The following ZC3H3 variants were observed in gnomAD, a reference collection of about 807,000 sequenced individuals.
The protein encoded by ZC3H3 is zinc finger CCCH-type containing 3.
Under a neutral mutation model 77.3 loss-of-function variants are expected in ZC3H3, and 36 were observed. The ratio of observed to expected loss-of-function variants is 0.47; its 90% CI spans 0.36 to 0.61. The LOEUF (loss-of-function observed/expected upper bound fraction) is 0.61. Among genes scored for constraint, ZC3H3 ranks in the 20% least tolerant of loss-of-function variants. The probability of loss-of-function intolerance (pLI) is 0.00; values close to 1 mark genes in which losing one functional copy is unlikely to be tolerated. For synonymous variants in ZC3H3, 626 were observed against 555.2 expected (o/e 1.13, Z -1.79); for missense variants, 1,331 against 1,312.2 (o/e 1.01, Z -0.22).
chr8:143,505,276 C>G (rs1307487282), intron 4 of ZC3H3, among the ~76,000 whole-genome samples: 1 of 152,240 alleles, frequency 6.6e-6, no homozygotes, highest in Non-Finnish European at 1.5e-5. Flanking sequence ...TCCATGGTGG[C>G]CTGGGCCTGC....
At chr8:143,467,354 G>C (rs141299726) in intron 8 of ZC3H3, among the ~76,000 whole-genome samples, 1 of 152,204 alleles carries the variant, frequency 6.6e-6, no homozygotes, top group Admixed American at 6.5e-5. Flanking sequence ...CAGGGCACTG[G>C]TGCGGGGCGT....
In ZC3H3 at chr8:143,451,794, A is replaced by G. The variant is rs1324250596; in HGVS notation, c.2308-10674T>C. 1.3e-4 allele frequency among the ~76,000 whole-genome samples: 20 copies of G among 151,774 alleles called. No individual in the cohort carries two copies. In the South Asian group the frequency reaches 2.5e-3, roughly 19 times the overall value. On this transcript the variant is annotated intron_variant, in intron 9 of 11. Transcript: ENST00000262577. ...GTGAGACTCTGCCTAAAAAAAAAAA[A>G]AAAAGAAAAGAAAAGAAAAGAAAAA...
chr8:143,496,378 G>A (rs553592286), intron 4 of ZC3H3, among the ~76,000 whole-genome samples: 8 of 152,320 alleles, frequency 5.3e-5, no homozygotes, highest in South Asian at 4.1e-4. Context: ...CTGACTCCAC[G>A]GTGAGCCTGG....
At chr8:143,483,080 G>T (rs939711681) in intron 4 of ZC3H3, among the ~76,000 whole-genome samples, 1 of 152,230 alleles carries the variant, frequency 6.6e-6, no homozygotes, top group African/African-American at 2.4e-5. Flanking sequence ...TCAGGAAATG[G>T]AGCACAATTT....
intron 8 of ZC3H3, 22 bp downstream of exon 8, chr8:143,468,187 G>A (rs377005785): frequency 2.5e-6 from 4 of 1,603,962 alleles, no homozygotes; most frequent in Non-Finnish European, 3.4e-6. Flanking sequence ...CACGGGAGCA[G>A]GGCCACCAGC....
chr8:143,510,363 C>T (rs1368734927), intron 3 of ZC3H3, among the ~76,000 whole-genome samples: 1 of 152,232 alleles, frequency 6.6e-6, no homozygotes, highest in South Asian at 2.1e-4. Flanking sequence ...GGGTCGTGTC[C>T]CCCACGGCCT....
chr8:143,472,364 G>A (rs913965947), intron 5 of ZC3H3, among the ~76,000 whole-genome samples: 16 of 152,374 alleles, frequency 1.1e-4, no homozygotes, highest in African/African-American at 3.1e-4. Flanking sequence ...CAGGGGCTCT[G>A]CGCCCGCCAG....
chr8:143,460,748 T>C lies in ZC3H3; in HGVS notation c.2307+4969A>G, dbSNP rs1820240047. 6.6e-6 allele frequency among the ~76,000 whole-genome samples: 1 copy of C among 152,144 alleles called. No individual in the cohort carries two copies. The highest frequency in any genetic ancestry group is 2.4e-5 in the African/African-American group (1 of 41,412). On this transcript the variant is annotated intron_variant, in intron 9 of 11. Coordinates refer to ENST00000262577, the MANE Select transcript of ZC3H3 (RefSeq NM_015117.3). This position sits in a 1 kb window ranked among gnomAD's most constrained non-coding sequence, Gnocchi z 4.0. ...GAGGTGCTGCTACACGTGTGAACCC[T>C]GGAAACATTATGCCGGGTGAAAGAT... is the stretch of plus-strand genomic sequence containing the variant.
chr8:143,495,882 G>A (rs954495764), intron 4 of ZC3H3, among the ~76,000 whole-genome samples: 2 of 151,796 alleles, frequency 1.3e-5, no homozygotes, highest in African/African-American at 4.8e-5. Context: ...GATTACAGGT[G>A]CAAGCCACTG....
At chr8:143,526,482 C>T (rs780867930) in intron 3 of ZC3H3, among the ~76,000 whole-genome samples, 1 of 152,200 alleles carries the variant, frequency 6.6e-6, no homozygotes, top group Non-Finnish European at 1.5e-5. Flanking sequence ...GCCCAGCACG[C>T]GATTGGACTT....
At chr8:143,442,062 C>A (rs967202610) in intron 9 of ZC3H3, among the ~76,000 whole-genome samples, 1 of 152,152 alleles carries the variant, frequency 6.6e-6, no homozygotes. Flanking sequence ...ATCCTCCCAG[C>A]CACACAGTCC....
At chr8:143,537,866 A>G in intron 2 of ZC3H3, 137 bp downstream of exon 2, 1 of 993,730 alleles carries the variant, frequency 1.0e-6, no homozygotes, top group Non-Finnish European at 1.5e-6. Context: ...CCACAGCAGC[A>G]CTTCCTGCCT....
intron 5 of ZC3H3, among the ~76,000 whole-genome samples, chr8:143,474,135 C>T (rs188294055): frequency 1.3e-5 from 2 of 152,212 alleles, no homozygotes; most frequent in East Asian, 3.9e-4. Flanking sequence ...AGAGATGAGA[C>T]CACACGCACA....
At chr8:143,467,816 A>C (rs1820453312) in intron 8 of ZC3H3, among the ~76,000 whole-genome samples, 1 of 105,952 alleles carries the variant, frequency 9.4e-6, no homozygotes. Flanking sequence ...GCCCCCTCAC[A>C]TACAGCTTCC....
chr8:143,463,275 G>A (rs1460605312), intron 9 of ZC3H3, among the ~76,000 whole-genome samples: 3 of 151,574 alleles, frequency 2.0e-5, no homozygotes, highest in Non-Finnish European at 2.9e-5. Context: ...GTGAGCCACC[G>A]CGCCCGGCCC....
chr8:143,540,437 C>T (rs1822973086), intron 1 of ZC3H3, among the ~76,000 whole-genome samples: 1 of 152,146 alleles, frequency 6.6e-6, no homozygotes, highest in Non-Finnish European at 1.5e-5. Flanking sequence ...GTCATGTTGC[C>T]CAGGATGGTC....
chr8:143,516,564 C>T (rs773832422), intron 3 of ZC3H3, among the ~76,000 whole-genome samples: 2 of 96,054 alleles, frequency 2.1e-5, no homozygotes, highest in Non-Finnish European at 4.2e-5. Flanking sequence ...CACACACACA[C>T]ACATACACAC....
rs896963 is a variant in ZC3H3 at position 143,538,524 on chromosome 8, G to C, written c.843C>G (p.Gly281=). Reference sequence around the variant, plus strand: ...TGGGTCCTGAGGCCGGTCTGGCGGGGCCCCCCACTGAGCCAGACGGAACTG... The same window carrying C: ...TGGGTCCTGAGGCCGGTCTGGCGGGCCCCCCCACTGAGCCAGACGGAACTG... ...DQPVPSGSVG[G]PARPASGPRQ... is the part of the protein sequence containing the mutation. The change falls in exon 2 of 12, where the codon GGC becomes GGG. Residue 281 remains glycine (G), a synonymous_variant. Coordinates refer to ENST00000262577, the MANE Select transcript of ZC3H3 (RefSeq NM_015117.3). The C allele has an allele frequency of 1.2e-6, 2 of 1,612,010 alleles. No individual in the cohort carries two copies. The highest frequency in any genetic ancestry group is 3.3e-5 in the Admixed American group (2 of 60,008).
intron 9 of ZC3H3, among the ~76,000 whole-genome samples, chr8:143,455,605 T>C (rs1353309313): frequency 1.3e-5 from 2 of 151,972 alleles, no homozygotes; most frequent in Non-Finnish European, 2.9e-5. Flanking sequence ...AAAAAAGAAA[T>C]TAATGTTAAT....
Sources: gnomAD v4.1 joint callset for allele counts (sites outside exome capture counted in the v4.1 genomes callset) on GRCh38, gnomAD v4.1.1 for gene constraint, Gnocchi (gnomAD v3.1) non-coding constraint, MANE v1.5 for transcripts, NCBI Gene and HGNC (gene_info 2026-07-23, HGNC 2026-07-21) for gene names.